The following MYO9A variants were observed in gnomAD, a reference collection of about 807,000 sequenced individuals.
The protein encoded by MYO9A is myosin IXA, also known as unconventional myosin-IXa.
In MYO9A, 103 loss-of-function variants were observed where a neutral mutation model predicts 293.3. That is an observed-to-expected ratio of 0.35 (90% confidence interval 0.30 to 0.41). The LOEUF is 0.41. Ranked by LOEUF, MYO9A falls within the 10% of genes least tolerant of loss-of-function variation. The pLI is 1.00. For synonymous variants in MYO9A, 1,001 were observed against 1,035.7 expected (o/e 0.97, Z 0.64); for missense variants, 2,685 against 3,033.0 (o/e 0.89, Z 2.69).
intron 1 of MYO9A, among the ~76,000 whole-genome samples, chr15:72,048,848 T>C (rs1463761579): frequency 2.0e-5 from 3 of 152,258 alleles, no homozygotes; most frequent in Non-Finnish European, 1.5e-5. Context: ...ATGAACACCA[T>C]GCTGTTGGCT....
At chr15:72,075,663 G>T (rs910082611) in intron 1 of MYO9A, among the ~76,000 whole-genome samples, 9 of 152,070 alleles carry the variant, frequency 5.9e-5, no homozygotes, top group African/African-American at 1.9e-4. Flanking sequence ...AGTGATTCAC[G>T]CCTGTAATTC....
At chr15:71,872,545 G>A (rs1360308061) in intron 32 of MYO9A, among the ~76,000 whole-genome samples, 3 of 152,122 alleles carry the variant, frequency 2.0e-5, no homozygotes, top group African/African-American at 4.8e-5. Flanking sequence ...TGATCATTAC[G>A]CATTTTATTC....
At chr15:71,872,098 T>G (rs1254202591) in intron 32 of MYO9A, among the ~76,000 whole-genome samples, 2 of 152,088 alleles carry the variant, frequency 1.3e-5, no homozygotes, top group African/African-American at 4.8e-5. Context: ...TTTATGATGA[T>G]AAAACAGAAC....
At chr15:72,102,527 A>T (rs889472806) in intron 1 of MYO9A, among the ~76,000 whole-genome samples, 5 of 151,722 alleles carry the variant, frequency 3.3e-5, no homozygotes, top group Non-Finnish European at 4.4e-5. Flanking sequence ...GAAATAACAG[A>T]TTAGGTGGTT....
intron 26 of MYO9A, chr15:71,888,370 A>G: frequency 4.4e-6 from 1 of 227,812 alleles, no homozygotes; most frequent in Non-Finnish European, 8.5e-6. Flanking sequence ...AAGAATCTCA[A>G]GTGGAAAGGC....
At chr15:71,961,650 A>G (rs1033413409) in intron 13 of MYO9A, among the ~76,000 whole-genome samples, 10 of 152,206 alleles carry the variant, frequency 6.6e-5, no homozygotes, top group Non-Finnish European at 1.5e-4. Context: ...GCTCAAAAAC[A>G]TTCACTCATA....
intron 23 of MYO9A, 52 bp downstream of exon 23, chr15:71,901,139 C>G: frequency 1.1e-5 from 17 of 1,550,146 alleles, no homozygotes; most frequent in Non-Finnish European, 1.5e-5. Context: ...GGTTACTAAA[C>G]AAAGGCCAAA....
Position 71,850,038 on chromosome 15 carries a change from G to A in MYO9A, c.6711C>T (p.Thr2237=). 6.2e-7 allele frequency: 1 copy of A among 1,613,908 alleles called. No individual in the cohort carries two copies. Among genetic ancestry groups the A allele is most frequent in the South Asian group, 1.1e-5 (1 of 91,064 alleles). Residue 2237 remains threonine (T), a splice_region_variant and synonymous_variant, in exon 38 of 42, where the codon ACC becomes ACT. Transcript: ENST00000356056. ...AAGGTTATGGTAACTGGCCTTACGT[G>A]GTAGTCTTACTGATGTCCTGTACAC... The part of the protein sequence containing the change: ...LQSVQDISKT[T]TCVELIVVEQ...
chr15:71,959,875 G>T, intron 14 of MYO9A, 26 bp downstream of exon 14: 3 of 1,511,698 alleles, frequency 2.0e-6, no homozygotes, highest in Non-Finnish European at 2.7e-6. Flanking sequence ...ATGAAGTATG[G>T]TAGAATACTA....
At chr15:71,974,103 A>AAAAC (rs371298200) in intron 12 of MYO9A, among the ~76,000 whole-genome samples, 421 of 152,204 alleles carry the variant, frequency 2.8e-3, no homozygotes, top group Admixed American at 6.1e-3. Flanking sequence ...TGCCATTTAA[A>AAAAC]AAACAAACAA....
chr15:71,894,013 A>G (rs976016702), intron 25 of MYO9A, among the ~76,000 whole-genome samples: 14 of 152,210 alleles, frequency 9.2e-5, no homozygotes, highest in Non-Finnish European at 1.2e-4. Flanking sequence ...CACTATGAAT[A>G]TGACATATGT....
Position 72,118,135 on chromosome 15 carries a change from G to A in MYO9A, c.-527C>T, listed in dbSNP as rs961202912. ...CCCGCGCGACTCCCCGGCTGCAGGC[G>A]AGCAGGCGCGCGCGCACTTACCTCC... On this transcript the variant is annotated 5_prime_UTR_variant, in exon 1 of 42. Transcript: ENST00000356056. 4 of 379,386 alleles carry A rather than the reference G, an allele frequency of 1.1e-5. No individual in the cohort carries two copies. Among genetic ancestry groups the A allele is most frequent in the Admixed American group, 4.5e-5 (1 of 21,992 alleles). The allele number at this position is 379,386 out of a possible 1,614,324, so 23.5% of individuals were successfully genotyped here.
chr15:72,048,265 G>A (rs941063004), intron 1 of MYO9A, among the ~76,000 whole-genome samples: 1 of 151,806 alleles, frequency 6.6e-6, no homozygotes, highest in Non-Finnish European at 1.5e-5. Flanking sequence ...CAGGCATGGT[G>A]GCACGTCCCT....
rs146389369 is a variant in MYO9A, at chr15:71,894,792, T to C, written c.5043-1014A>G. ...GGCAGAAATAGATGCCAGAATCTGATGAAAAAGTGTATATAACCTTCATGG... is the reference window on the plus strand; with the variant it reads ...GGCAGAAATAGATGCCAGAATCTGACGAAAAAGTGTATATAACCTTCATGG... On this transcript the variant is annotated intron_variant, in intron 25 of 41. Transcript: ENST00000356056. Among the ~76,000 whole-genome samples, 1,375 of 152,302 alleles carry C rather than the reference T, an allele frequency of 9.0e-3. 17 individuals are homozygous for C. The highest frequency in any genetic ancestry group is 0.011 in the Admixed American group (164 of 15,294).
At chr15:72,037,927 TTC>T (rs1347218297) in intron 2 of MYO9A, among the ~76,000 whole-genome samples, 2 of 151,392 alleles carry the variant, frequency 1.3e-5, no homozygotes, top group African/African-American at 4.8e-5. Context: ...TTTTTTTTTT[TTC>T]TCTGAGACAG....
chr15:71,920,332 A>C (rs1158067288), intron 18 of MYO9A, among the ~76,000 whole-genome samples: 1 of 152,198 alleles, frequency 6.6e-6, no homozygotes, highest in East Asian at 1.9e-4. Context: ...AAATTCATAT[A>C]TTGAAACCTA....
At chr15:71,839,618 A>G (rs1414361410) in intron 39 of MYO9A, among the ~76,000 whole-genome samples, 1 of 152,066 alleles carries the variant, frequency 6.6e-6, no homozygotes, top group Non-Finnish European at 1.5e-5. Context: ...CATTGTTGCC[A>G]CGGCTGGTCT....
At chr15:71,834,291 G>C (rs561305931) in intron 39 of MYO9A, among the ~76,000 whole-genome samples, 1 of 152,122 alleles carries the variant, frequency 6.6e-6, no homozygotes, top group Admixed American at 6.5e-5. Context: ...TTAGGAATGT[G>C]AATAATATTA....
rs769438234 is a variant in MYO9A at position 71,823,985 on chromosome 15, G to A, written c.*2595C>T. 1.1e-4 allele frequency: 17 copies of A among 152,234 alleles called. No homozygotes were observed. Among genetic ancestry groups the A allele is most frequent in the Admixed American group, 2.0e-4 (3 of 15,280 alleles). The allele number at this position is 152,234 out of a possible 1,614,324, so 9.4% of individuals were successfully genotyped here. ...GAGAACAGATGGATGCAGACACAGCGTTTGGTTCTGAAGGTTTTTAAGAGT... is the reference window on the plus strand; with the variant it reads ...GAGAACAGATGGATGCAGACACAGCATTTGGTTCTGAAGGTTTTTAAGAGT... On this transcript the variant is annotated 3_prime_UTR_variant, in exon 42 of 42. Coordinates refer to ENST00000356056, the MANE Select transcript of MYO9A (RefSeq NM_006901.4).
Sources: gnomAD v4.1 joint callset for allele counts (sites outside exome capture counted in the v4.1 genomes callset) on GRCh38, gnomAD v4.1.1 for gene constraint, MANE v1.5 for transcripts, NCBI Gene and HGNC (gene_info 2026-07-23, HGNC 2026-07-21) for gene names.